FOXN3: variants seen among roughly 807,000 people sequenced by gnomAD.
FOXN3 encodes the protein forkhead box N3.
In FOXN3, 7 loss-of-function variants were observed where a neutral mutation model predicts 38.4. The ratio of observed to expected loss-of-function variants is 0.18; its 90% CI spans 0.10 to 0.34. The LOEUF (loss-of-function observed/expected upper bound fraction) is 0.34, where lower values mean the gene tolerates loss of function less well. Ranked by LOEUF, FOXN3 falls within the 10% of genes least tolerant of loss-of-function variation. The pLI, the probability that FOXN3 is intolerant of heterozygous loss-of-function variation, is 1.00. For missense variants in FOXN3, 456 were observed against 613.4 expected (o/e 0.74, Z 2.71); for synonymous variants, 230 against 242.2 (o/e 0.95, Z 0.47).
intron 4 of FOXN3, among the ~76,000 whole-genome samples, chr14:89,190,893 G>C (rs1887923967): frequency 6.6e-6 from 1 of 152,082 alleles, no homozygotes; most frequent in East Asian, 1.9e-4. Context: ...ATACAAACAA[G>C]ACATGTGGTC....
rs747620127 is a variant in FOXN3, at chr14:89,156,418, A to G, written c.*5996T>C. ...CTCCACACTGTTTCTTTAGGTTTACATGAACATAACAGAACATCACGTTCT... is the reference window on the plus strand; with the variant it reads ...CTCCACACTGTTTCTTTAGGTTTACGTGAACATAACAGAACATCACGTTCT... On this transcript the variant is annotated 3_prime_UTR_variant, in exon 6 of 6. Transcript: ENST00000557258. 66 of 152,784 alleles carry G rather than the reference A, an allele frequency of 4.3e-4. No individual in the cohort carries two copies. Among genetic ancestry groups the G allele is most frequent in the Admixed American group, 2.9e-3 (45 of 15,306 alleles). 9.5% of individuals were successfully genotyped at this position (152,784 alleles called of 1,614,324 possible).
At chr14:89,603,352 T>C (rs954342575) in intron 1 of FOXN3, among the ~76,000 whole-genome samples, 1 of 152,208 alleles carries the variant, frequency 6.6e-6, no homozygotes, top group Non-Finnish European at 1.5e-5. Context: ...AGAAACAATT[T>C]CTATTGTTTT....
intron 1 of FOXN3, among the ~76,000 whole-genome samples, chr14:89,464,110 C>T (rs868773428): frequency 4.1e-4 from 62 of 152,232 alleles, no homozygotes; most frequent in African/African-American, 1.4e-3. Context: ...GCCCACTGTT[C>T]CCTGCCAAGG....
chr14:89,536,810 A>G (rs985970711), intron 1 of FOXN3, among the ~76,000 whole-genome samples: 1 of 152,036 alleles, frequency 6.6e-6, no homozygotes, highest in African/African-American at 2.4e-5. Context: ...AAAGATTTTT[A>G]AAAAAAGATT....
intron 1 of FOXN3, among the ~76,000 whole-genome samples, chr14:89,550,665 A>G (rs76332597): frequency 0.055 from 8,313 of 152,232 alleles, 469 homozygotes; most frequent in African/African-American, 0.14. Context: ...CAGCTCACTT[A>G]TTTTTCACCA....
At chr14:89,299,436 T>C (rs1260575996) in intron 3 of FOXN3, among the ~76,000 whole-genome samples, 1 of 152,226 alleles carries the variant, frequency 6.6e-6, no homozygotes, top group Non-Finnish European at 1.5e-5. Context: ...TTGGATGTCT[T>C]TATCAGCAGC....
intron 3 of FOXN3, among the ~76,000 whole-genome samples, chr14:89,293,744 A>AGCG (rs1039852068): frequency 8.5e-4 from 129 of 152,086 alleles, no homozygotes; most frequent in African/African-American, 3.1e-3. Context: ...ATATGAATGG[A>AGCG]GCGGCGGTTG....
At chr14:89,521,578 G>A (rs1894319172) in intron 1 of FOXN3, among the ~76,000 whole-genome samples, 1 of 152,070 alleles carries the variant, frequency 6.6e-6, no homozygotes, top group African/African-American at 2.4e-5. Flanking sequence ...GAGAGAGAAA[G>A]AATGAGACAC....
chr14:89,418,039 G>A (rs1891802100), upstream of FOXN3, among the ~76,000 whole-genome samples: 1 of 152,240 alleles, frequency 6.6e-6, no homozygotes, highest in African/African-American at 2.4e-5. Flanking sequence ...ACCACTCTAA[G>A]TCTCTAGGCA....
intron 3 of FOXN3, among the ~76,000 whole-genome samples, chr14:89,328,341 G>A (rs550027724): frequency 6.6e-6 from 1 of 152,328 alleles, no homozygotes; most frequent in South Asian, 2.1e-4. Flanking sequence ...ATTCCCAACA[G>A]CAGCCCTGGA....
At chr14:89,410,821 AG>A (rs891045491) in intron 2 of FOXN3, among the ~76,000 whole-genome samples, 3 of 151,966 alleles carry the variant, frequency 2.0e-5, no homozygotes, top group Non-Finnish European at 2.9e-5. Flanking sequence ...TGCAGTGGGC[AG>A]TGATCACACC....
intron 3 of FOXN3, among the ~76,000 whole-genome samples, chr14:89,338,623 G>A (rs1443793460): frequency 1.3e-5 from 2 of 152,038 alleles, no homozygotes; most frequent in African/African-American, 2.4e-5. Context: ...GTGAAACCTC[G>A]TCTCTACTAA....
At chr14:89,434,902 T>A (rs4904577) in intron 1 of FOXN3, among the ~76,000 whole-genome samples, 1 of 152,204 alleles carries the variant, frequency 6.6e-6, no homozygotes, top group African/African-American at 2.4e-5. Context: ...CCACTGACCC[T>A]CACACCAGAA....
chr14:89,531,537 G>A (rs1363919219), intron 1 of FOXN3, among the ~76,000 whole-genome samples: 2 of 152,136 alleles, frequency 1.3e-5, no homozygotes, highest in Non-Finnish European at 2.9e-5. Flanking sequence ...TTTCTCTCTT[G>A]CTTCGACACT....
intron 2 of FOXN3, among the ~76,000 whole-genome samples, chr14:89,382,689 C>T (rs7155544): frequency 5.9e-5 from 9 of 152,366 alleles, no homozygotes; most frequent in African/African-American, 2.2e-4. Context: ...AATTGCCTCT[C>T]TGACCCTCAG....
chr14:89,573,163 C>T (rs538049505), intron 1 of FOXN3, among the ~76,000 whole-genome samples: 1 of 152,222 alleles, frequency 6.6e-6, no homozygotes, highest in South Asian at 2.1e-4. Flanking sequence ...AAATGAGAAG[C>T]GATAAGTGAT....
intron 5 of FOXN3, among the ~76,000 whole-genome samples, chr14:89,166,292 T>C (rs1176949414): frequency 6.6e-6 from 1 of 152,088 alleles, no homozygotes; most frequent in Non-Finnish European, 1.5e-5. Flanking sequence ...GGGATCCAAA[T>C]GGAAACTTTC....
At position 89,412,480 on chromosome 14, in the gene FOXN3, C is replaced by T. The variant is rs569743939; in HGVS notation, c.-4G>A. On this transcript the variant is annotated 5_prime_UTR_variant, in exon 2 of 6. Transcript: ENST00000557258. This position sits in a 1 kb window ranked among gnomAD's most constrained non-coding sequence, Gnocchi z 4.7. ...TGGGAGGCATGACTGGACCCATTTA[C>T]GTGAAGGCTCCTAGTAAAGACATCA... 1.5e-5 allele frequency: 24 copies of T among 1,590,056 alleles called. No individual in the cohort carries two copies. The highest frequency in any genetic ancestry group is 5.6e-5 in the South Asian group (5 of 88,854).
intron 1 of FOXN3, among the ~76,000 whole-genome samples, chr14:89,486,259 TA>T (rs754555748): frequency 1.8e-4 from 27 of 152,368 alleles, no homozygotes; most frequent in Middle Eastern, 3.4e-3. Context: ...ATTTAGAAGC[TA>T]ATTTCTATGT....
Sources: allele counts gnomAD v4.1 joint callset (sites outside exome capture counted in the v4.1 genomes callset), GRCh38; gene constraint gnomAD v4.1.1; non-coding constraint Gnocchi (gnomAD v3.1); transcripts MANE v1.5; gene names NCBI Gene and HGNC (gene_info 2026-07-23, HGNC 2026-07-21).